Variants in EMILIN2 observed in about 807,000 individuals in gnomAD.
EMILIN2 encodes elastin microfibril interfacer 2.
EMILIN2 carries 71 observed loss-of-function variants against 87.1 expected under a neutral mutation model. The ratio of observed to expected loss-of-function variants is 0.82; its 90% CI spans 0.67 to 0.99. The LOEUF is 0.99. Ranked by LOEUF, EMILIN2 falls within the 50% of genes least tolerant of loss-of-function variation. The probability of loss-of-function intolerance (pLI) is 0.00; values close to 1 mark genes in which losing one functional copy is unlikely to be tolerated. For missense variants in EMILIN2, 1,407 were observed against 1,371.8 expected (o/e 1.03, Z -0.40); for synonymous variants, 581 against 563.4 (o/e 1.03, Z -0.44).
chr18:2,873,628 A>C (rs1468703053), intron 2 of EMILIN2, among the ~76,000 whole-genome samples: 1 of 151,716 alleles, frequency 6.6e-6, no homozygotes, highest in African/African-American at 2.4e-5. Flanking sequence ...AATGGCGTGA[A>C]CCCGGGAGGC....
At chr18:2,873,559 T>C (rs867799139) in intron 2 of EMILIN2, among the ~76,000 whole-genome samples, 68 of 151,178 alleles carry the variant, frequency 4.5e-4, no homozygotes, top group Middle Eastern at 3.4e-3. Context: ...TACAAAAAAT[T>C]AGCCGGGCGT....
Position 2,874,766 on chromosome 18 carries a change from T to C in EMILIN2, c.258-10198T>C, listed in dbSNP as rs562968028. On this transcript the variant is annotated intron_variant, in intron 2 of 7. Transcript: ENST00000254528. ...ATATAAGTGTTCCTGTGTTTTCAAATCTAGATTTTTTAAAAACGAGAAGAA... is the reference window on the plus strand; with the variant it reads ...ATATAAGTGTTCCTGTGTTTTCAAACCTAGATTTTTTAAAAACGAGAAGAA... Among the ~76,000 whole-genome samples the C allele has an allele frequency of 5.4e-5, 8 of 147,044 alleles. No individual in the cohort carries two copies. In the South Asian group the frequency reaches 1.7e-3, roughly 32 times the overall value.
In EMILIN2 at chr18:2,847,158, G is replaced by A. The variant is rs2076578624; in HGVS notation, c.-31G>A. ...CCCCGATCCGCCGCGCTCCGGACCC[G>A]GGCAGGCGGGGCGCGCCCGCTGCGC... On this transcript the variant is annotated 5_prime_UTR_variant, in exon 1 of 8. Coordinates refer to ENST00000254528, the MANE Select transcript of EMILIN2 (RefSeq NM_032048.3). The surrounding 1 kb of genome is among the most constrained non-coding windows in gnomAD (Gnocchi z 4.5). The A allele has an allele frequency of 4.7e-6, 5 of 1,070,884 alleles. No individual in the cohort carries two copies. In the South Asian group the frequency reaches 1.1e-4, roughly 24 times the overall value. The allele number at this position is 1,070,884 out of a possible 1,614,324, so 66.3% of individuals were successfully genotyped here. A position where few individuals can be genotyped will look rare whatever the true frequency, so the allele number is the denominator to read the frequency against.
At chr18:2,879,659 C>T (rs1263575513) in intron 2 of EMILIN2, among the ~76,000 whole-genome samples, 1 of 151,760 alleles carries the variant, frequency 6.6e-6, no homozygotes, top group Non-Finnish European at 1.5e-5. Context: ...AGACTCCGTC[C>T]TCCCTGCCCC....
At position 2,913,429 on chromosome 18, in the gene EMILIN2, AAGAT is replaced by A. The variant is rs202229024; in HGVS notation, c.*32_*35del. The A allele has an allele frequency of 2.7e-3, 4,169 of 1,524,574 alleles. 12 individuals carry two copies. The highest frequency in any genetic ancestry group is 2.7e-3 in the Non-Finnish European group (3,064 of 1,127,988). The allele number at this position is 1,524,574 out of a possible 1,614,324, so 94.4% of individuals were successfully genotyped here. The stretch of plus-strand genomic sequence containing the variant: ...AGGTGGCTGGGGAGATGTCAGGGGA[AAGAT>A]AGATAGTTGTAAAAACTCTAAAGCT... On this transcript the variant is annotated 3_prime_UTR_variant, in exon 8 of 8. Transcript: ENST00000254528.
At chr18:2,868,688 C>T (rs899466451) in intron 2 of EMILIN2, among the ~76,000 whole-genome samples, 5 of 152,236 alleles carry the variant, frequency 3.3e-5, no homozygotes, top group South Asian at 2.1e-4. Flanking sequence ...CGCAGGCACT[C>T]GGCAGGCTGA....
In EMILIN2 at chr18:2,913,090, G is replaced by T; in HGVS notation, c.2848G>T (p.Gly950Trp). Residue 950 changes from glycine to tryptophan, a missense_variant, in exon 8 of 8, where the codon GGG becomes TGG. By Grantham distance (184) the Gly-to-Trp change is radical. Coordinates refer to ENST00000254528, the MANE Select transcript of EMILIN2 (RefSeq NM_032048.3). ...AGGGGTCTTCACGGCTCCTTATGATGGGCGCTACCTGATCACGGCCACCCT... is the reference window on the plus strand; with the variant it reads ...AGGGGTCTTCACGGCTCCTTATGATTGGCGCTACCTGATCACGGCCACCCT... ...STGVFTAPYDGRYLITATLTP... is the reference protein window; with the variant it reads ...STGVFTAPYDWRYLITATLTP... 6.2e-7 allele frequency: 1 copy of T among 1,611,048 alleles called. No homozygotes were observed.
intron 2 of EMILIN2, among the ~76,000 whole-genome samples, chr18:2,864,319 T>C (rs1352950298): frequency 1.3e-5 from 2 of 152,240 alleles, no homozygotes; most frequent in African/African-American, 2.4e-5. Flanking sequence ...CTAGCCTTGA[T>C]GGTCTTTACA....
At chr18:2,869,786 T>TTTG (rs1555666537) in intron 2 of EMILIN2, among the ~76,000 whole-genome samples, 1,692 of 59,098 alleles carry the variant, frequency 0.029, 12 homozygotes, top group Non-Finnish European at 0.042. Flanking sequence ...GTGTGTGTGT[T>TTTG]TGTGTGTGTG....
chr18:2,878,173 A>G (rs1234292833), intron 2 of EMILIN2, among the ~76,000 whole-genome samples: 2 of 152,190 alleles, frequency 1.3e-5, no homozygotes, highest in Admixed American at 1.3e-4. Flanking sequence ...GCACAATTGT[A>G]TGCTTAAAAG....
At chr18:2,864,593 G>T (rs1375096852) in intron 2 of EMILIN2, among the ~76,000 whole-genome samples, 2 of 152,180 alleles carry the variant, frequency 1.3e-5, no homozygotes, top group East Asian at 3.8e-4. Context: ...TCAGCTATTA[G>T]TCTGATGGGC....
At chr18:2,900,509 C>CATCGACTTGGAGCAGTGTTGAG (rs936412344) in intron 4 of EMILIN2, among the ~76,000 whole-genome samples, 21 of 152,226 alleles carry the variant, frequency 1.4e-4, no homozygotes, top group Admixed American at 1.2e-3. Flanking sequence ...TTGAGATGGA[C>CATCGACTTGGAGCAGTGTTGAG]ATCGACTTGG....
chr18:2,894,509 T>C lies in EMILIN2; in HGVS notation c.2359+2023T>C, dbSNP rs1432651803. Among the ~76,000 whole-genome samples, 2 of 152,230 alleles carry C rather than the reference T, an allele frequency of 1.3e-5. No homozygotes were observed. The highest frequency in any genetic ancestry group is 4.8e-5 in the African/African-American group (2 of 41,456). ...TGATTGTCCCTTGTGGTGACAACGC[T>C]GTCTGGTCTGTGTCTTACGATAACA... On this transcript the variant is annotated intron_variant, in intron 4 of 7. Transcript: ENST00000254528. The surrounding 1 kb of genome is among the most constrained non-coding windows in gnomAD (Gnocchi z 5.0).
chr18:2,856,155 G>T (rs911625934), intron 2 of EMILIN2, among the ~76,000 whole-genome samples: 1 of 152,084 alleles, frequency 6.6e-6, no homozygotes, highest in Non-Finnish European at 1.5e-5. Flanking sequence ...CGGGAGGATC[G>T]CTTGAGTCAA....
At chr18:2,872,637 C>T (rs1407424416) in intron 2 of EMILIN2, among the ~76,000 whole-genome samples, 1 of 152,200 alleles carries the variant, frequency 6.6e-6, no homozygotes, top group Non-Finnish European at 1.5e-5. Context: ...ATGTAGATTA[C>T]TTACTTGGCA....
At position 2,904,774 on chromosome 18, in the gene EMILIN2, A is replaced by G. The variant is rs550866606; in HGVS notation, c.2360-2009A>G. 1.3e-4 allele frequency among the ~76,000 whole-genome samples: 20 copies of G among 152,168 alleles called. 1 individual carries two copies. Among genetic ancestry groups the G allele is most frequent in the Middle Eastern group, 6.8e-3 (2 of 294 alleles). On this transcript the variant is annotated intron_variant, in intron 4 of 7. Transcript: ENST00000254528. ...GTCGTTCACACAGGCGGCTTTCCTCATATGTCAGGTGATTTTGACTTTGGT... is the reference window on the plus strand; with the variant it reads ...GTCGTTCACACAGGCGGCTTTCCTCGTATGTCAGGTGATTTTGACTTTGGT...
At position 2,913,602 on chromosome 18, in the gene EMILIN2, A is replaced by G; in HGVS notation, c.*198A>G. 1.8e-6 allele frequency: 1 copy of G among 541,628 alleles called. No individual in the cohort carries two copies. Among genetic ancestry groups the G allele is most frequent in the Non-Finnish European group, 3.2e-6 (1 of 309,258 alleles). 33.6% of individuals were successfully genotyped at this position (541,628 alleles called of 1,614,324 possible). A position where few individuals can be genotyped will look rare whatever the true frequency, so the allele number is the denominator to read the frequency against. ...GCAGGGAGTGAGGCACACGGTGAAC[A>G]TGGCCACTGACTTTTCTGCCACTCT... On this transcript the variant is annotated 3_prime_UTR_variant, in exon 8 of 8. Coordinates refer to ENST00000254528, the MANE Select transcript of EMILIN2 (RefSeq NM_032048.3).
At chr18:2,902,020 A>T (rs1215039536) in intron 4 of EMILIN2, among the ~76,000 whole-genome samples, 1 of 152,238 alleles carries the variant, frequency 6.6e-6, no homozygotes, top group African/African-American at 2.4e-5. Context: ...ATCTTAGTTC[A>T]TTCTTTTTCC....
rs2076771340 is a variant in EMILIN2, at chr18:2,880,469, C to T, written c.258-4495C>T. Among the ~76,000 whole-genome samples, 1 of 152,154 alleles carries T rather than the reference C, an allele frequency of 6.6e-6. No individual in the cohort carries two copies. Among genetic ancestry groups the T allele is most frequent in the African/African-American group, 2.4e-5 (1 of 41,438 alleles). On this transcript the variant is annotated intron_variant, in intron 2 of 7. Transcript: ENST00000254528. This position sits in a 1 kb window ranked among gnomAD's most constrained non-coding sequence, Gnocchi z 4.1. The stretch of plus-strand genomic sequence containing the variant: ...GGGGCGAGGCGGCAGGGCGACAGGC[C>T]CAGGGTTACAGCCCCAAGGGCCGCC...
Sources: gnomAD v4.1 joint callset for allele counts (sites outside exome capture counted in the v4.1 genomes callset) on GRCh38, gnomAD v4.1.1 for gene constraint, Gnocchi (gnomAD v3.1) non-coding constraint, MANE v1.5 for transcripts, NCBI Gene and HGNC (gene_info 2026-07-23, HGNC 2026-07-21) for gene names.